Variants in USH2A observed in about 807,000 individuals in gnomAD.
USH2A encodes the protein Usher syndrome 2A (autosomal recessive, mild).
In USH2A, 443 loss-of-function variants were observed where a neutral mutation model predicts 538.9. That is an observed-to-expected ratio of 0.82 (90% CI 0.76 to 0.89). The LOEUF (loss-of-function observed/expected upper bound fraction) is 0.89. Among genes scored for constraint, USH2A ranks in the 40% least tolerant of loss-of-function variants. USH2A has a pLI of 0.00. For synonymous variants in USH2A, 2,413 were observed against 2,273.5 expected (o/e 1.06, Z -1.75); for missense variants, 6,633 against 6,324.8 (o/e 1.05, Z -1.65).
At chr1:215,870,512 G>A (rs1664599405) in intron 43 of USH2A, among the ~76,000 whole-genome samples, 1 of 148,606 alleles carries the variant, frequency 6.7e-6, no homozygotes, top group Non-Finnish European at 1.5e-5. Context: ...AGCCAGGATG[G>A]TCTCGATCTT....
chr1:216,335,387 G>A lies in USH2A; in HGVS notation c.785-7733C>T, dbSNP rs570299245. Among the ~76,000 whole-genome samples, 14 of 150,890 alleles carry A rather than the reference G, an allele frequency of 9.3e-5. No individual in the cohort carries two copies. In the East Asian group the frequency reaches 2.7e-3, roughly 30 times the overall value. Reference sequence around the variant, plus strand: ...CTTCTACCTTAAGAAACTAGAAAAAGAAAAACAAACTCAACCTAAAGCTAG... The same window carrying A: ...CTTCTACCTTAAGAAACTAGAAAAAAAAAAACAAACTCAACCTAAAGCTAG... On this transcript the variant is annotated intron_variant, in intron 4 of 71. Transcript: ENST00000307340.
intron 47 of USH2A, among the ~76,000 whole-genome samples, chr1:215,836,554 T>TAAAA (rs1234072957): frequency 5.5e-5 from 1 of 18,280 alleles, no homozygotes; most frequent in African/African-American, 2.4e-4. Context: ...TATATATATA[T>TAAAA]ATATATATAT....
intron 38 of USH2A, among the ~76,000 whole-genome samples, chr1:215,925,055 G>T (rs61828488): frequency 0.18 from 28,029 of 151,880 alleles, 2,651 homozygotes; most frequent in African/African-American, 0.21. Context: ...TGAAAAAATT[G>T]TTCACAAATT....
At chr1:215,898,833 G>A (rs561416381) in intron 40 of USH2A, among the ~76,000 whole-genome samples, 14 of 152,270 alleles carry the variant, frequency 9.2e-5, no homozygotes, top group Admixed American at 5.9e-4. Context: ...TGTATGTAAT[G>A]TTCCTCCTAA....
chr1:215,634,667 G>T lies in USH2A; in HGVS notation c.15089C>A (p.Ser5030Ter), dbSNP rs758660532. 3.7e-6 allele frequency: 6 copies of T among 1,614,156 alleles called. No homozygotes were observed. The Admixed American group carries it at 5.0e-5, about 13-fold the overall frequency. Residue 5030 changes from serine (S) to a stop codon, truncating the protein, a stop_gained, in exon 70 of 72, where the codon TCG becomes TAG. Coordinates refer to ENST00000307340, the MANE Select transcript of USH2A (RefSeq NM_206933.4). LOFTEE classifies it high-confidence loss of function. ...VLTTPGKKKG[S>*]RSKSTEFYSE... ...GTAGAACTCTGTGCTTTTGCTCCGC[G>T]ATCCCTTCTTTTTCCCAGGAGTTGT... is the stretch of plus-strand genomic sequence containing the variant.
chr1:215,743,624 G>A (rs1027272706), intron 58 of USH2A, among the ~76,000 whole-genome samples: 12 of 151,004 alleles, frequency 7.9e-5, no homozygotes, highest in Non-Finnish European at 1.8e-4. Flanking sequence ...GTCAGGAGAT[G>A]GAGACCATCC....
intron 38 of USH2A, among the ~76,000 whole-genome samples, chr1:215,925,671 G>A (rs1442366446): frequency 6.6e-6 from 1 of 151,930 alleles, no homozygotes; most frequent in Non-Finnish European, 1.5e-5. Flanking sequence ...TACCATCTTA[G>A]CCTATTGCTT....
intron 4 of USH2A, among the ~76,000 whole-genome samples, 192 bp from the exon 5 acceptor site, chr1:216,327,846 T>C (rs1489648404): frequency 1.3e-5 from 2 of 152,144 alleles, no homozygotes; most frequent in Non-Finnish European, 2.9e-5. Flanking sequence ...CATAGTTATC[T>C]CCATGGACAC....
At chr1:215,929,556 C>T (rs551417959) in intron 38 of USH2A, among the ~76,000 whole-genome samples, 30 of 152,042 alleles carry the variant, frequency 2.0e-4, no homozygotes, top group Non-Finnish European at 4.1e-4. Context: ...GGTTTTTTTA[C>T]TTACTTTTTC....
At chr1:215,677,863 C>T (rs1658085282) in intron 62 of USH2A, among the ~76,000 whole-genome samples, 1 of 152,172 alleles carries the variant, frequency 6.6e-6, no homozygotes, top group South Asian at 2.1e-4. Flanking sequence ...GAACATTTAT[C>T]CCAGCAAAGA....
At chr1:216,397,186 C>A (rs757870597) in intron 3 of USH2A, among the ~76,000 whole-genome samples, 2 of 152,112 alleles carry the variant, frequency 1.3e-5, no homozygotes, top group Non-Finnish European at 1.5e-5. Context: ...TTTCAAACTG[C>A]CTTTTAATTT....
At chr1:216,022,754 T>C (rs1668870822) in intron 32 of USH2A, among the ~76,000 whole-genome samples, 1 of 152,094 alleles carries the variant, frequency 6.6e-6, no homozygotes, top group Non-Finnish European at 1.5e-5. Context: ...CTGGGACAGC[T>C]CTACCTAGCA....
chr1:215,926,769 G>T (rs189754281), intron 38 of USH2A, among the ~76,000 whole-genome samples: 5 of 151,846 alleles, frequency 3.3e-5, no homozygotes, highest in Admixed American at 3.3e-4. Flanking sequence ...AACATGCCCG[G>T]CTAAGTTTTT....
At chr1:216,258,419 T>A (rs2036299517) in intron 11 of USH2A, among the ~76,000 whole-genome samples, 1 of 152,108 alleles carries the variant, frequency 6.6e-6, no homozygotes. Context: ...TTGAAAGTTG[T>A]GCTTTCTGCA....
chr1:216,156,735 A>T (rs2033951339), intron 21 of USH2A, among the ~76,000 whole-genome samples: 1 of 152,230 alleles, frequency 6.6e-6, no homozygotes, highest in South Asian at 2.1e-4. Context: ...TCCACAGAGT[A>T]AACAGACAGC....
chr1:216,243,351 C>T (rs403610), intron 13 of USH2A, among the ~76,000 whole-genome samples: 151,126 of 152,328 alleles, frequency 0.99, 74,972 homozygotes, highest in East Asian at 1. Context: ...AGCATCTATT[C>T]GGAAGTTGAC....
chr1:216,242,305 G>A (rs1025624504), intron 13 of USH2A, among the ~76,000 whole-genome samples: 4 of 151,034 alleles, frequency 2.6e-5, no homozygotes, highest in African/African-American at 7.3e-5. Context: ...CCGAGACTGC[G>A]CCACTGAACT....
At chr1:216,161,089 A>T (rs182949077) in intron 21 of USH2A, among the ~76,000 whole-genome samples, 1 of 152,244 alleles carries the variant, frequency 6.6e-6, no homozygotes, top group Admixed American at 6.5e-5. Context: ...TTATATTTAA[A>T]GTATGTTTAT....
intron 61 of USH2A, among the ~76,000 whole-genome samples, chr1:215,682,994 G>T: frequency 6.6e-6 from 1 of 151,936 alleles, no homozygotes; most frequent in East Asian, 1.9e-4. Flanking sequence ...GAGTAGCCGG[G>T]ACTACAGTCA....
Sources: allele counts gnomAD v4.1 joint callset (sites outside exome capture counted in the v4.1 genomes callset), GRCh38; gene constraint gnomAD v4.1.1; transcripts MANE v1.5; gene names NCBI Gene and HGNC (gene_info 2026-07-23, HGNC 2026-07-21).